The following LMLN variants were observed in gnomAD, a reference collection of about 807,000 sequenced individuals.
LMLN encodes leishmanolysin like peptidase, also known as leishmanolysin-like peptidase.
LMLN carries 70 observed loss-of-function variants against 92.3 expected under a neutral mutation model. The ratio of observed to expected loss-of-function variants is 0.76; its 90% CI spans 0.63 to 0.92. LMLN has a LOEUF of 0.92. LMLN is among the 40% of genes least tolerant of loss of function. LMLN has a pLI of 0.00. For missense variants in LMLN, 691 were observed against 814.6 expected (o/e 0.85, Z 1.85); for synonymous variants, 308 against 296.2 (o/e 1.04, Z -0.41).
chr3:197,980,344 G>GGGGGTAAGTGGCCTCAT lies in LMLN; in HGVS notation c.571_587dup (p.Ala197ValfsTer55). ...GGTGCAGCAATGCCGGGTCTACCGT[G>GGGGGTAAGTGGCCTCAT]GGGGTAAGTGGCCTCATGGAGCAGT... is the stretch of plus-strand genomic sequence containing the variant. On this transcript the variant is annotated frameshift_variant, in exon 6 of 16. Coordinates refer to ENST00000330198, the Ensembl canonical transcript of LMLN. LOFTEE classifies it high-confidence loss of function. 3 of 1,613,688 alleles carry GGGGGTAAGTGGCCTCAT rather than the reference G, an allele frequency of 1.9e-6. No individual in the cohort carries two copies. Among genetic ancestry groups the GGGGGTAAGTGGCCTCAT allele is most frequent in the Non-Finnish European group, 2.5e-6 (3 of 1,179,758 alleles).
chr3:197,967,139 T>A (rs1016393142), intron 1 of LMLN, among the ~76,000 whole-genome samples: 1 of 152,224 alleles, frequency 6.6e-6, no homozygotes, highest in Non-Finnish European at 1.5e-5. Flanking sequence ...TTTTTAATTT[T>A]ATTTTTTAAA....
chr3:197,960,847 C>CTT (rs1720849453), intron 1 of LMLN, among the ~76,000 whole-genome samples: 1 of 152,132 alleles, frequency 6.6e-6, no homozygotes, highest in African/African-American at 2.4e-5. Context: ...CCGGGGACCA[C>CTT]TTTAGGAACC....
chr3:198,029,942 A>G (rs1342911644), intron 14 of LMLN, among the ~76,000 whole-genome samples: 2 of 151,944 alleles, frequency 1.3e-5, no homozygotes, highest in Non-Finnish European at 2.9e-5. Flanking sequence ...TCCCAGGTTC[A>G]AGTGATTCTC....
chr3:197,999,656 T>C lies in LMLN; in HGVS notation c.1232+314T>C, dbSNP rs557225834. 211 of 246,680 alleles carry C rather than the reference T, an allele frequency of 8.6e-4. 1 individual carries two copies. Among genetic ancestry groups the C allele is most frequent in the Middle Eastern group, 5.9e-3 (4 of 680 alleles). 15.3% of individuals were successfully genotyped at this position (246,680 alleles called of 1,614,324 possible). On this transcript the variant is annotated intron_variant, in intron 11 of 15. Transcript: ENST00000330198. ...AGTCCTCTCACCTCAGCTTCCTGCG[T>C]GGCTGGGACTACAGGCACGTGCCAC...
intron 11 of LMLN, among the ~76,000 whole-genome samples, chr3:198,007,545 T>A (rs1309457296): frequency 2.6e-5 from 4 of 152,222 alleles, no homozygotes; most frequent in Non-Finnish European, 5.9e-5. Flanking sequence ...GTTCTAGTGA[T>A]CCATGTGTCC....
At chr3:198,020,777 T>G (rs1354003877) in intron 12 of LMLN, among the ~76,000 whole-genome samples, 1 of 129,916 alleles carries the variant, frequency 7.7e-6, no homozygotes, top group African/African-American at 3.0e-5. Context: ...TATTTTTTTT[T>G]TTTTTTTTTT....
At chr3:198,041,271 G>T (rs962384105) in exon 16 of LMLN, 2 of 152,138 alleles carry the variant, frequency 1.3e-5, no homozygotes, top group African/African-American at 4.8e-5. Flanking sequence ...TAACTAAAAA[G>T]AAGCTAATAC....
intron 13 of LMLN, among the ~76,000 whole-genome samples, chr3:198,023,183 A>T (rs939984129): frequency 6.6e-6 from 1 of 151,184 alleles, no homozygotes; most frequent in African/African-American, 2.4e-5. Context: ...ATTCTGTTTT[A>T]TTATTATTAT....
At chr3:198,008,660 A>C (rs1052166522) in intron 11 of LMLN, among the ~76,000 whole-genome samples, 15 of 152,240 alleles carry the variant, frequency 9.9e-5, no homozygotes, top group Admixed American at 5.2e-4. Context: ...CCAGAAGCTC[A>C]AGGCTGCAGT....
intron 11 of LMLN, among the ~76,000 whole-genome samples, chr3:198,015,938 C>T (rs775769900): frequency 2.0e-5 from 3 of 152,060 alleles, no homozygotes; most frequent in South Asian, 2.1e-4. Context: ...GGTGTGGTGG[C>T]TCATACCTGT....
intron 5 of LMLN, among the ~76,000 whole-genome samples, chr3:197,978,073 T>G (rs112971711): frequency 1.4e-5 from 2 of 141,430 alleles, no homozygotes; most frequent in African/African-American, 5.4e-5. Flanking sequence ...ATATAAAAAT[T>G]ATCAAACAAT....
At chr3:197,981,369 G>T (rs1282965276) in intron 6 of LMLN, among the ~76,000 whole-genome samples, 3 of 152,046 alleles carry the variant, frequency 2.0e-5, no homozygotes, top group Non-Finnish European at 4.4e-5. Flanking sequence ...CAGACCCTGT[G>T]TCCAAAAAAC....
intron 11 of LMLN, among the ~76,000 whole-genome samples, chr3:198,015,132 T>G (rs1458463829): frequency 1.9e-5 from 2 of 106,254 alleles, no homozygotes; most frequent in Non-Finnish European, 3.9e-5. Context: ...TCTCTGTACC[T>G]TTCAGAGCCT....
At chr3:198,016,814 G>A (rs1029743230) in intron 11 of LMLN, among the ~76,000 whole-genome samples, 2 of 152,128 alleles carry the variant, frequency 1.3e-5, no homozygotes, top group African/African-American at 4.8e-5. Flanking sequence ...TTAAGCCACT[G>A]TCAGCAAGGT....
intron 1 of LMLN, among the ~76,000 whole-genome samples, chr3:197,964,172 A>G (rs144432428): frequency 5.9e-4 from 90 of 151,930 alleles, no homozygotes; most frequent in African/African-American, 2.1e-3. Context: ...GTTTGTTTCT[A>G]TTTCATTGTT....
chr3:197,980,186 G>A (rs1416735952), intron 5 of LMLN, 140 bp from the exon 6 acceptor site: 2 of 596,340 alleles, frequency 3.4e-6, no homozygotes, highest in African/African-American at 1.9e-5. Context: ...AGACAGGGAG[G>A]TATGGATTTT....
chr3:198,038,714 G>A (rs372122129), exon 16 of LMLN: 136 of 1,436,740 alleles, frequency 9.5e-5, no homozygotes, highest in Non-Finnish European at 1.3e-4. Context: ...TTATGTTCTT[G>A]TGAACAAAGC....
At chr3:198,020,766 G>GTTTGTTTTTTTTT (rs1260852398) in intron 12 of LMLN, among the ~76,000 whole-genome samples, 9 of 25,632 alleles carry the variant, frequency 3.5e-4, no homozygotes, top group African/African-American at 1.5e-3. Context: ...GCTAATTTTT[G>GTTTGTTTTTTTTT]TATTTTTTTT....
chr3:197,984,235 T>C (rs58712583), intron 7 of LMLN, among the ~76,000 whole-genome samples, 187 bp downstream of exon 7: 31,268 of 151,604 alleles, frequency 0.21, 5,209 homozygotes, highest in African/African-American at 0.46. Flanking sequence ...GGCATGGTGG[T>C]GTGCACCTGT....
Sources: allele counts gnomAD v4.1 joint callset (sites outside exome capture counted in the v4.1 genomes callset), GRCh38; gene constraint gnomAD v4.1.1; transcripts MANE v1.5; gene names NCBI Gene and HGNC (gene_info 2026-07-23, HGNC 2026-07-21).